Variants in PDZD2 observed in about 807,000 individuals in gnomAD.
PDZD2 encodes the protein PDZ domain-containing protein 2.
A neutral mutation model predicts 220.7 loss-of-function variants in PDZD2; 90 were observed. The ratio of observed to expected loss-of-function variants is 0.41; its 90% CI spans 0.34 to 0.49. The LOEUF (loss-of-function observed/expected upper bound fraction) is 0.49. PDZD2 is among the 20% of genes least tolerant of loss of function. PDZD2 has a pLI of 0.28. For missense variants in PDZD2, 3,174 were observed against 3,608.5 expected, an observed-to-expected ratio of 0.88 and a Z score of 3.08; for synonymous variants, 1,375 against 1,450.5, an observed-to-expected ratio of 0.95 and a Z score of 1.18.
Position 31,908,537 on chromosome 5 carries a change from CG to C in PDZD2, c.477-74616del, listed in dbSNP as rs374451505. 3.1e-5 allele frequency: 33 copies of C among 1,063,676 alleles called. No individual in the cohort carries two copies. In the African/African-American group the frequency reaches 3.6e-4, roughly 11 times the overall value. The allele number at this position is 1,063,676 out of a possible 1,614,324, so 65.9% of individuals were successfully genotyped here. A position where few individuals can be genotyped will look rare whatever the true frequency, so the allele number is the denominator to read the frequency against. On this transcript the variant is annotated intron_variant, in intron 2 of 24. Coordinates refer to ENST00000438447, the MANE Select transcript of PDZD2 (RefSeq NM_178140.4). ...GCTGAAGGCCCCGAGGGCGAGGGCA[CG>C]GAAAGCACAGTAATGGCTGGTGTTG... is the stretch of plus-strand genomic sequence containing the variant.
intron 2 of PDZD2, among the ~76,000 whole-genome samples, chr5:31,816,287 C>CA (rs34233316): frequency 0.23 from 22,420 of 99,002 alleles, 3,215 homozygotes; most frequent in Middle Eastern, 0.3. Context: ...GACTCCATCT[C>CA]AAAAAAAAAA....
chr5:31,880,106 T>G (rs1739731213), intron 2 of PDZD2, among the ~76,000 whole-genome samples: 1 of 151,722 alleles, frequency 6.6e-6, no homozygotes, highest in South Asian at 2.1e-4. Flanking sequence ...TTTTTTTTAG[T>G]AGAGATGGGG....
intron 1 of PDZD2, among the ~76,000 whole-genome samples, chr5:31,691,763 A>C (rs975108120): frequency 3.3e-5 from 5 of 152,204 alleles, no homozygotes; most frequent in African/African-American, 1.2e-4. Context: ...CCAAGGCCCC[A>C]CCAGAGTACT....
Position 31,879,393 on chromosome 5 carries a change from G to GA in PDZD2, c.476+79685dup, listed in dbSNP as rs11320736. On this transcript the variant is annotated intron_variant, in intron 2 of 24. Coordinates refer to ENST00000438447, the MANE Select transcript of PDZD2 (RefSeq NM_178140.4). ...CAGAGCGAGACTCTGTCTCAAAAAGGAAAAAAAAAAAAAAAATGGACGTTT... is the reference window on the plus strand; with the variant it reads ...CAGAGCGAGACTCTGTCTCAAAAAGGAAAAAAAAAAAAAAAAATGGACGTTT... Among the ~76,000 whole-genome samples the GA allele has an allele frequency of 3.4e-3, 438 of 130,666 alleles. 2 individuals are homozygous for GA. Among genetic ancestry groups the GA allele is most frequent in the South Asian group, 9.7e-3 (40 of 4,110 alleles). 85.7% of individuals were successfully genotyped at this position (130,666 alleles called of 152,430 possible).
chr5:31,849,963 C>T lies in PDZD2; in HGVS notation c.476+50239C>T, dbSNP rs868354776. ...ATATATATATACATATATATATATA[C>T]ACATATATATATATACATATATATA... is the stretch of plus-strand genomic sequence containing the variant. On this transcript the variant is annotated intron_variant, in intron 2 of 24. Coordinates refer to ENST00000438447, the MANE Select transcript of PDZD2 (RefSeq NM_178140.4). Among the ~76,000 whole-genome samples, 67 of 29,448 alleles carry T rather than the reference C, an allele frequency of 2.3e-3. 13 individuals are homozygous for T. Among genetic ancestry groups the T allele is most frequent in the African/African-American group, 0.016 (59 of 3,662 alleles). 19.3% of individuals were successfully genotyped at this position (29,448 alleles called of 152,430 possible).
intron 1 of PDZD2, among the ~76,000 whole-genome samples, chr5:31,717,154 TTATCCAAGAGACAG>T (rs1212009314): frequency 2.6e-5 from 4 of 152,146 alleles, no homozygotes; most frequent in Non-Finnish European, 5.9e-5. Flanking sequence ...TTTAAAATAT[TTATCCAAGAGACAG>T]CGTGTATTGA....
chr5:32,057,093 C>CT (rs1194556368), intron 10 of PDZD2, among the ~76,000 whole-genome samples: 1 of 151,854 alleles, frequency 6.6e-6, no homozygotes, highest in East Asian at 2.0e-4. Context: ...GAGCAATACT[C>CT]TGTTTCAAAA....
chr5:31,949,796 C>T (rs968753180), intron 2 of PDZD2, among the ~76,000 whole-genome samples: 1 of 151,766 alleles, frequency 6.6e-6, no homozygotes. Context: ...CCTCAGCCTC[C>T]CAAGTAGCTG....
chr5:32,094,824 G>C (rs1473543675), intron 21 of PDZD2, among the ~76,000 whole-genome samples: 1 of 152,212 alleles, frequency 6.6e-6, no homozygotes, highest in East Asian at 1.9e-4. Flanking sequence ...GGCTCAGTGA[G>C]CTATGATCGT....
chr5:31,815,987 C>A (rs556624053), intron 2 of PDZD2, among the ~76,000 whole-genome samples: 4 of 152,064 alleles, frequency 2.6e-5, no homozygotes, highest in Admixed American at 2.0e-4. Flanking sequence ...AGTAATAGAA[C>A]TTAAACATGA....
chr5:31,850,724 C>G (rs1228405678), intron 2 of PDZD2, among the ~76,000 whole-genome samples: 1 of 151,152 alleles, frequency 6.6e-6, no homozygotes, highest in Non-Finnish European at 1.5e-5. Context: ...GCAACCTCCG[C>G]CTCCTGGGTT....
chr5:31,988,833 G>T (rs534021631), intron 3 of PDZD2, among the ~76,000 whole-genome samples: 1 of 152,042 alleles, frequency 6.6e-6, no homozygotes, highest in Non-Finnish European at 1.5e-5. Context: ...CTCCCACGTC[G>T]CTTAGCTTCT....
At chr5:31,834,231 C>T (rs1240451620) in intron 2 of PDZD2, among the ~76,000 whole-genome samples, 1 of 152,204 alleles carries the variant, frequency 6.6e-6, no homozygotes, top group Non-Finnish European at 1.5e-5. Context: ...AAGCCTGTGT[C>T]CAGTTGGAGC....
chr5:31,871,059 C>T (rs943282835), intron 2 of PDZD2, among the ~76,000 whole-genome samples: 6 of 151,918 alleles, frequency 3.9e-5, no homozygotes, highest in African/African-American at 7.3e-5. Context: ...AGTGTGAGAG[C>T]GAGAGTTGGG....
intron 1 of PDZD2, among the ~76,000 whole-genome samples, chr5:31,798,126 G>A (rs1261432153): frequency 6.6e-6 from 1 of 152,194 alleles, no homozygotes; most frequent in African/African-American, 2.4e-5. Flanking sequence ...GCTGTCTGCT[G>A]ACTGGTGTCA....
Position 32,088,840 on chromosome 5 carries a change from A to G in PDZD2, c.5392A>G (p.Ile1798Val), listed in dbSNP as rs1020766346. The change falls in exon 20 of 25, where the codon ATC (isoleucine) becomes GTC (valine). Residue 1798 changes from isoleucine to valine, a missense_variant. Transcript: ENST00000438447. This position sits in a 1 kb window ranked among gnomAD's most constrained non-coding sequence, Gnocchi z 4.6. ...QKPKMIARRPIMAWFKEINKH... is the reference protein window; with the variant it reads ...QKPKMIARRPVMAWFKEINKH... ...ACCAAAAATGATCGCTAGGAGGCCCATCATGGCCTGGTTTAAAGAAATAAA... is the reference window on the plus strand; with the variant it reads ...ACCAAAAATGATCGCTAGGAGGCCCGTCATGGCCTGGTTTAAAGAAATAAA... 1.9e-6 allele frequency: 3 copies of G among 1,614,060 alleles called. No homozygotes were observed. The highest frequency in any genetic ancestry group is 2.5e-6 in the Non-Finnish European group (3 of 1,180,030).
intron 18 of PDZD2, among the ~76,000 whole-genome samples, chr5:32,077,072 C>T (rs756976280): frequency 1.1e-4 from 17 of 152,200 alleles, no homozygotes; most frequent in Non-Finnish European, 2.2e-4. Flanking sequence ...TATCCAGATT[C>T]GTTCATTCCC....
chr5:31,976,714 C>CTTTTTTTTT (rs869280921), intron 2 of PDZD2, among the ~76,000 whole-genome samples: 1 of 99,718 alleles, frequency 1.0e-5, no homozygotes, highest in Non-Finnish European at 1.9e-5. Context: ...TTTCTTCTTT[C>CTTTTTTTTT]TTTTTTTTTT....
chr5:31,965,716 G>A (rs1444662291), intron 2 of PDZD2, among the ~76,000 whole-genome samples: 3 of 151,930 alleles, frequency 2.0e-5, no homozygotes, highest in Admixed American at 2.0e-4. Context: ...CCAACATGGC[G>A]AAACCCCATC....
Sources: allele counts gnomAD v4.1 joint callset (sites outside exome capture counted in the v4.1 genomes callset), GRCh38; gene constraint gnomAD v4.1.1; non-coding constraint Gnocchi (gnomAD v3.1); transcripts MANE v1.5; gene names NCBI Gene and HGNC (gene_info 2026-07-23, HGNC 2026-07-21).